The following AKAP19 variants were observed in gnomAD, a reference collection of about 807,000 sequenced individuals.
The protein encoded by AKAP19 is A-kinase anchoring protein 19.
the AKAP19 span, among the ~76,000 whole-genome samples, chr2:189,899,199 G>C: frequency 6.6e-6 from 1 of 152,012 alleles, no homozygotes. Flanking sequence ...ATTCTTTCTT[G>C]ATTTCCCTAA....
At chr2:190,121,887 T>C in the AKAP19 span, among the ~76,000 whole-genome samples, 1 of 152,208 alleles carries the variant, frequency 6.6e-6, no homozygotes. Context: ...TTTGTTTTTG[T>C]GTTTTTTTGT....
At chr2:190,192,169 T>C in the AKAP19 span, among the ~76,000 whole-genome samples, 2 of 152,176 alleles carry the variant, frequency 1.3e-5, no homozygotes, top group Non-Finnish European at 2.9e-5. Context: ...GGGGAGAGTA[T>C]GTGAATGTCC....
the AKAP19 span, among the ~76,000 whole-genome samples, chr2:190,014,718 C>A: frequency 1.3e-5 from 2 of 152,052 alleles, no homozygotes; most frequent in East Asian, 3.9e-4. Context: ...CTCACTGCAA[C>A]TTCCACTTTT....
the AKAP19 span, among the ~76,000 whole-genome samples, chr2:190,039,152 C>G: frequency 2.4e-4 from 36 of 151,754 alleles, no homozygotes; most frequent in Non-Finnish European, 3.1e-4. Context: ...CATCTCAGCT[C>G]ACTGCAACCT....
At chr2:190,158,875 C>G in the AKAP19 span, among the ~76,000 whole-genome samples, 1 of 152,142 alleles carries the variant, frequency 6.6e-6, no homozygotes, top group African/African-American at 2.4e-5. Context: ...CTGTTGCTAT[C>G]CATTTGGAGA....
At chr2:190,093,058 A>G in the AKAP19 span, among the ~76,000 whole-genome samples, 2 of 152,156 alleles carry the variant, frequency 1.3e-5, no homozygotes, top group African/African-American at 4.8e-5. Context: ...AGAAACTTCA[A>G]ACCATAGGTA....
the AKAP19 span, among the ~76,000 whole-genome samples, chr2:189,916,241 A>T: frequency 6.6e-6 from 1 of 152,076 alleles, no homozygotes; most frequent in African/African-American, 2.4e-5. Flanking sequence ...CATTAGTGTT[A>T]ATATACTAAA....
the AKAP19 span, among the ~76,000 whole-genome samples, chr2:189,885,450 G>A: frequency 6.6e-6 from 1 of 152,194 alleles, no homozygotes; most frequent in African/African-American, 2.4e-5. Flanking sequence ...CAGACATTGA[G>A]TAAAGACATC....
the AKAP19 span, among the ~76,000 whole-genome samples, chr2:190,128,120 C>A: frequency 9.2e-5 from 14 of 152,062 alleles, no homozygotes; most frequent in Non-Finnish European, 1.9e-4. Flanking sequence ...GAAACTGATT[C>A]TTAGTATGAA....
chr2:190,180,834 G>A, the AKAP19 span: 1 of 985,264 alleles, frequency 1.0e-6, no homozygotes, highest in Non-Finnish European at 1.2e-6. The surrounding 1 kb of genome is among the most constrained non-coding windows in gnomAD (Gnocchi z 6.8). Flanking sequence ...CCGGGAGCCC[G>A]GGCGCCGCCG....
At chr2:190,189,332 A>C in the AKAP19 span, among the ~76,000 whole-genome samples, 3 of 151,892 alleles carry the variant, frequency 2.0e-5, no homozygotes, top group African/African-American at 7.3e-5. Context: ...TTATTCCAAG[A>C]AGAAGCTGGA....
the AKAP19 span, among the ~76,000 whole-genome samples, chr2:190,084,434 G>A: frequency 6.6e-6 from 1 of 152,144 alleles, no homozygotes; most frequent in Non-Finnish European, 1.5e-5. Flanking sequence ...ATTTTAATGT[G>A]TTGGCTGGTT....
the AKAP19 span, among the ~76,000 whole-genome samples, chr2:189,905,477 A>T: frequency 0.1 from 15,440 of 151,996 alleles, 1,741 homozygotes; most frequent in African/African-American, 0.28. Flanking sequence ...TAGTCACGGG[A>T]AAAGTCTGTA....
the AKAP19 span, among the ~76,000 whole-genome samples, chr2:190,050,852 G>A: frequency 2.0e-5 from 3 of 152,192 alleles, no homozygotes; most frequent in Non-Finnish European, 4.4e-5. Context: ...TGAACTGGAT[G>A]TAAGGAATTA....
chr2:190,011,392 C>A, the AKAP19 span, among the ~76,000 whole-genome samples: 9 of 152,128 alleles, frequency 5.9e-5, no homozygotes, highest in Non-Finnish European at 1.0e-4. Flanking sequence ...TGCCTCTTCA[C>A]TCTGCTAATT....
the AKAP19 span, among the ~76,000 whole-genome samples, chr2:189,999,814 A>G: frequency 6.6e-6 from 1 of 152,144 alleles, no homozygotes; most frequent in Non-Finnish European, 1.5e-5. Flanking sequence ...TTCTTGGTTT[A>G]TTACTATTCA....
chr2:190,012,102 T>A, the AKAP19 span, among the ~76,000 whole-genome samples: 1 of 152,154 alleles, frequency 6.6e-6, no homozygotes, highest in Non-Finnish European at 1.5e-5. Context: ...TGTCTTCAAT[T>A]TTTCTCATCA....
the AKAP19 span, among the ~76,000 whole-genome samples, chr2:189,947,354 A>G: frequency 6.6e-6 from 1 of 152,164 alleles, no homozygotes; most frequent in Non-Finnish European, 1.5e-5. Context: ...GTTGGCACTG[A>G]ATAGTTTTCA....
the AKAP19 span, among the ~76,000 whole-genome samples, chr2:189,978,029 T>G: frequency 6.6e-6 from 1 of 152,216 alleles, no homozygotes; most frequent in African/African-American, 2.4e-5. Context: ...CTGATTTAAG[T>G]GTTCTGATCA....
Sources: gnomAD v4.1 joint callset for allele counts (sites outside exome capture counted in the v4.1 genomes callset) on GRCh38, gnomAD v4.1.1 for gene constraint, Gnocchi (gnomAD v3.1) non-coding constraint, MANE v1.5 for transcripts, NCBI Gene and HGNC (gene_info 2026-07-23, HGNC 2026-07-21) for gene names.